The following ARAP1 variants were observed in gnomAD, a reference collection of about 807,000 sequenced individuals.
ARAP1 encodes ArfGAP with RhoGAP domain, ankyrin repeat and PH domain 1, also known as arf-GAP with Rho-GAP domain, ANK repeat and PH domain-containing protein 1.
ARAP1 carries 76 observed loss-of-function variants against 172.2 expected under a neutral mutation model. The observed-to-expected ratio is 0.44, with a 90% CI of 0.37 to 0.53. The LOEUF (loss-of-function observed/expected upper bound fraction) is 0.53, where lower values mean the gene tolerates loss of function less well. Ranked by LOEUF, ARAP1 falls within the 20% of genes least tolerant of loss-of-function variation. ARAP1 has a pLI of 0.00. For synonymous variants in ARAP1, 804 were observed against 803.3 expected (o/e 1.00, Z -0.01); for missense variants, 1,686 against 1,977.5 (o/e 0.85, Z 2.80).
chr11:72,692,213 G>T (rs1161732669), intron 30 of ARAP1, among the ~76,000 whole-genome samples: 1 of 152,140 alleles, frequency 6.6e-6, no homozygotes. Flanking sequence ...CTAGGAACAG[G>T]GCAGCCCCAA....
At chr11:72,687,621 C>A in intron 32 of ARAP1, 67 bp downstream of exon 32, 4 of 1,613,004 alleles carry the variant, frequency 2.5e-6, no homozygotes, top group Non-Finnish European at 3.4e-6. Flanking sequence ...TGATGAGGGA[C>A]ACAATGAAGG....
Position 72,699,284 on chromosome 11 carries a change from G to C in ARAP1, c.2438+133C>G, listed in dbSNP as rs1856364196. On this transcript the variant is annotated intron_variant, in intron 17 of 34. Transcript: ENST00000393609. This position sits in a 1 kb window ranked among gnomAD's most constrained non-coding sequence, Gnocchi z 4.2. ...GCTGGGGCCTCAAGAGACTGGAGTC[G>C]GCCCTTGTGCAGCCTCCGTTTGCTG... The C allele has an allele frequency of 3.4e-6, 5 of 1,449,502 alleles. No individual in the cohort carries two copies. The Admixed American group carries it at 9.9e-5, about 29-fold the overall frequency. 89.8% of individuals were successfully genotyped at this position (1,449,502 alleles called of 1,614,324 possible).
chr11:72,699,435 G>A lies in ARAP1; in HGVS notation c.2420C>T (p.Pro807Leu), dbSNP rs1010102614. The A allele has an allele frequency of 3.1e-6, 5 of 1,614,002 alleles. No individual in the cohort carries two copies. Among genetic ancestry groups the A allele is most frequent in the South Asian group, 2.2e-5 (2 of 91,088 alleles). The change falls in exon 17 of 35, where the codon CCC (proline) becomes CTC (leucine). Residue 807 changes from proline to leucine, a missense_variant. Pro to Leu is a moderately conservative substitution (Grantham distance 98, BLOSUM62 -3). Around this residue, in one of 5 missense-constraint regions of ARAP1, gnomAD observed 688 missense variants for 856.9 expected, o/e 0.80. Transcript: ENST00000393609. The surrounding 1 kb of genome is among the most constrained non-coding windows in gnomAD (Gnocchi z 4.2). The part of the protein sequence containing the change: ...RASEIVCLAV[P>L]PPDTHGFEHT... ...TACTCACCCATGGGTGTCAGGAGGG[G>A]GCACTGCCAGGCACACAATCTCGCT...
At chr11:72,697,808 TG>T in intron 19 of ARAP1, 102 bp downstream of exon 19, 1 of 1,490,020 alleles carries the variant, frequency 6.7e-7, no homozygotes, top group South Asian at 1.3e-5. Flanking sequence ...ATGGCGGCTC[TG>T]GCCAGGCCAG....
chr11:72,742,983 A>T (rs1398199667), intron 1 of ARAP1, among the ~76,000 whole-genome samples: 1 of 152,114 alleles, frequency 6.6e-6, no homozygotes, highest in Non-Finnish European at 1.5e-5. Context: ...AGGCATCTCC[A>T]TGACTCCTCA....
At position 72,696,707 on chromosome 11, in the gene ARAP1, C is replaced by A. The variant is rs542660046; in HGVS notation, c.3167-53G>T. On this transcript the variant is annotated intron_variant, in intron 22 of 34. Transcript: ENST00000393609. ...AAACCCCCTGTAACTATCTTCCCCC[C>A]ACCCCGCCTGGGCTGCTGTGCCTCT... 20 of 1,462,834 alleles carry A rather than the reference C, an allele frequency of 1.4e-5. No individual in the cohort carries two copies. In the African/African-American group the frequency reaches 1.7e-4, roughly 12 times the overall value. The allele number at this position is 1,462,834 out of a possible 1,614,324, so 90.6% of individuals were successfully genotyped here.
intron 3 of ARAP1, chr11:72,721,796 G>A: frequency 2.0e-6 from 2 of 986,294 alleles, no homozygotes; most frequent in Admixed American, 6.1e-5. Flanking sequence ...CCCTCCCAGG[G>A]CCTCCCTCCT....
At chr11:72,739,601 T>C (rs564220853) in intron 1 of ARAP1, among the ~76,000 whole-genome samples, 1 of 152,320 alleles carries the variant, frequency 6.6e-6, no homozygotes, top group East Asian at 1.9e-4. Context: ...CATCACATTC[T>C]GAGCCTCAGT....
At chr11:72,709,804 G>T in intron 11 of ARAP1, 66 bp downstream of exon 11, 1 of 1,551,356 alleles carries the variant, frequency 6.4e-7, no homozygotes, top group Non-Finnish European at 8.9e-7. Flanking sequence ...AGCTTCCCAC[G>T]TCGCGCAAAA....
rs1205230988 is a variant in ARAP1 at position 72,701,781 on chromosome 11, C to T, written c.2170G>A (p.Val724Met). ...EFLRNNRTTE[V>M]PRLDSMKPLE... ...GGCTTCATCGAGTCCAGCCGAGGCA[C>T]CTCTTTGTAGGCGGGGAAAGGATGG... Residue 724 changes from valine to methionine, a missense_variant and splice_region_variant, in exon 16 of 35, where the codon GTG becomes ATG. Val to Met is a conservative substitution (Grantham distance 21). This residue lies in a region of ARAP1 where 688 missense variants were observed against 856.9 expected (regional missense o/e 0.80). Coordinates refer to ENST00000393609, the MANE Select transcript of ARAP1 (RefSeq NM_001040118.3). The T allele has an allele frequency of 6.2e-7, 1 of 1,613,084 alleles. No homozygotes were observed. Among genetic ancestry groups the T allele is most frequent in the African/African-American group, 1.3e-5 (1 of 74,892 alleles).
intron 13 of ARAP1, 41 bp from the exon 14 acceptor site, chr11:72,704,375 C>A (rs1328993525): frequency 6.6e-7 from 1 of 1,508,782 alleles, no homozygotes; most frequent in Admixed American, 2.3e-5. Flanking sequence ...CAGCTGACAG[C>A]CAGGGGCCGT....
chr11:72,687,545 C>A (rs1855743864), intron 32 of ARAP1, 43 bp from the exon 33 acceptor site: 1 of 1,614,044 alleles, frequency 6.2e-7, no homozygotes, highest in East Asian at 2.2e-5. Flanking sequence ...AAAGGCCTGA[C>A]TGAGCAGGGA....
chr11:72,688,895 G>C, intron 30 of ARAP1: 1 of 231,266 alleles, frequency 4.3e-6, no homozygotes, highest in Non-Finnish European at 8.7e-6. Flanking sequence ...GTATGTGGAG[G>C]GAGAACTGTA....
At position 72,697,035 on chromosome 11, in the gene ARAP1, C is replaced by A. The variant is rs1856230986; in HGVS notation, c.3114G>T (p.Leu1038=). The stretch of plus-strand genomic sequence containing the variant: ...GGGCGCGAGTGAAGAGCCCATCAGG[C>A]AGGTCGCGCAGGAAGCGCTTGAGCG... ...SSALKRFLRD[L]PDGLFTRAQR... Residue 1038 remains leucine, a synonymous_variant, in exon 22 of 35, where the codon CTG becomes CTT. Coordinates refer to ENST00000393609, the MANE Select transcript of ARAP1 (RefSeq NM_001040118.3). 2 of 1,609,848 alleles carry A rather than the reference C, an allele frequency of 1.2e-6. No homozygotes were observed. The highest frequency in any genetic ancestry group is 1.3e-5 in the African/African-American group (1 of 75,068).
intron 1 of ARAP1, among the ~76,000 whole-genome samples, chr11:72,748,391 G>A (rs1272301301): frequency 3.9e-5 from 6 of 152,078 alleles, no homozygotes; most frequent in South Asian, 2.1e-4. Context: ...ATGGTGGCGC[G>A]TGCCTGTAAT....
Position 72,693,539 on chromosome 11 carries a change from G to C in ARAP1, c.3809-69C>G. On this transcript the variant is annotated intron_variant, in intron 28 of 34. Coordinates refer to ENST00000393609, the MANE Select transcript of ARAP1 (RefSeq NM_001040118.3). This position sits in a 1 kb window ranked among gnomAD's most constrained non-coding sequence, Gnocchi z 4.6. Reference sequence around the variant, plus strand: ...ACCCGGGGCTGGGTCCCAGGATGAAGGAAGCTGCCCCATCCTGCCCCAGCC... The same window carrying C: ...ACCCGGGGCTGGGTCCCAGGATGAACGAAGCTGCCCCATCCTGCCCCAGCC... 6.4e-7 allele frequency: 1 copy of C among 1,569,306 alleles called. No individual in the cohort carries two copies. Among genetic ancestry groups the C allele is most frequent in the South Asian group, 1.2e-5 (1 of 84,608 alleles).
Position 72,693,557 on chromosome 11 carries a change from C to A in ARAP1, c.3809-87G>T. 1 of 1,553,300 alleles carries A rather than the reference C, an allele frequency of 6.4e-7. No individual in the cohort carries two copies. Among genetic ancestry groups the A allele is most frequent in the Non-Finnish European group, 8.7e-7 (1 of 1,146,480 alleles). ...GGATGAAGGAAGCTGCCCCATCCTG[C>A]CCCAGCCTCTCCATAGAGGCCCACC... On this transcript the variant is annotated intron_variant, in intron 28 of 34. Transcript: ENST00000393609. The surrounding 1 kb of genome is among the most constrained non-coding windows in gnomAD (Gnocchi z 4.6).
chr11:72,713,806 C>T (rs537696842), intron 4 of ARAP1, among the ~76,000 whole-genome samples: 2 of 150,188 alleles, frequency 1.3e-5, no homozygotes, highest in Admixed American at 1.3e-4. Flanking sequence ...GAGATTGCAC[C>T]ACTGCACTCC....
chr11:72,696,369 T>C (rs1856192706), intron 23 of ARAP1, among the ~76,000 whole-genome samples, 180 bp downstream of exon 23: 1 of 152,204 alleles, frequency 6.6e-6, no homozygotes, highest in South Asian at 2.1e-4. Flanking sequence ...GAACCTGTAC[T>C]GGTCTGTGGC....
Sources: gnomAD v4.1 joint callset for allele counts (sites outside exome capture counted in the v4.1 genomes callset) on GRCh38, gnomAD v4.1.1 for gene constraint, gnomAD v4.1.1 regional missense constraint, Gnocchi (gnomAD v3.1) non-coding constraint, MANE v1.5 for transcripts, NCBI Gene and HGNC (gene_info 2026-07-23, HGNC 2026-07-21) for gene names.